DYNC2H1: variants seen among roughly 807,000 people sequenced by gnomAD.
DYNC2H1 encodes the protein dynein cytoplasmic 2 heavy chain 1.
DYNC2H1 carries 410 observed loss-of-function variants against 570.0 expected under a neutral mutation model. The observed-to-expected ratio is 0.72, with a 90% CI of 0.66 to 0.78. The LOEUF (loss-of-function observed/expected upper bound fraction) is 0.78. Ranked by LOEUF, DYNC2H1 falls within the 30% of genes least tolerant of loss-of-function variation. The pLI is 0.00. For synonymous variants in DYNC2H1, 1,688 were observed against 1,677.6 expected (o/e 1.01, Z -0.15); for missense variants, 4,865 against 5,046.4 (o/e 0.96, Z 1.09).
In DYNC2H1 at chr11:103,432,573, A is replaced by C. The variant is rs1458321476; in HGVS notation, c.12367-3370A>C. ...GATTTACGACCCATTGTGAACTCAA[A>C]TAAGAAAATCACTCGAATTTGCTTT... On this transcript the variant is annotated intron_variant, in intron 84 of 88. Transcript: ENST00000375735. Among the ~76,000 whole-genome samples the C allele has an allele frequency of 2.0e-5, 3 of 152,296 alleles. No individual in the cohort carries two copies. In the South Asian group the frequency reaches 6.2e-4, roughly 32 times the overall value.
At chr11:103,212,865 T>C (rs1392246966) in intron 54 of DYNC2H1, among the ~76,000 whole-genome samples, 5 of 152,176 alleles carry the variant, frequency 3.3e-5, no homozygotes, top group Admixed American at 3.3e-4. Flanking sequence ...ATAAATCACT[T>C]TAACTTACTG....
chr11:103,373,228 C>G (rs1392427365), intron 83 of DYNC2H1, among the ~76,000 whole-genome samples: 2 of 152,050 alleles, frequency 1.3e-5, no homozygotes, highest in Non-Finnish European at 2.9e-5. Context: ...AGTGACCATG[C>G]CTGACCCCAT....
chr11:103,427,310 G>A (rs1044718474), intron 84 of DYNC2H1, among the ~76,000 whole-genome samples: 11 of 151,916 alleles, frequency 7.2e-5, no homozygotes, highest in Admixed American at 1.3e-4. Flanking sequence ...TAAATTTCAC[G>A]GAAGTAAATA....
At chr11:103,161,204 G>T (rs1430193486) in intron 29 of DYNC2H1, among the ~76,000 whole-genome samples, 160 bp downstream of exon 29, 1 of 152,030 alleles carries the variant, frequency 6.6e-6, no homozygotes, top group African/African-American at 2.4e-5. Flanking sequence ...GTTAGTTTCG[G>T]AGTATTTTGA....
intron 11 of DYNC2H1, among the ~76,000 whole-genome samples, chr11:103,124,808 A>C (rs1338528091): frequency 1.3e-5 from 2 of 152,156 alleles, no homozygotes; most frequent in African/African-American, 4.8e-5. Flanking sequence ...GGTGGATGTG[A>C]TGTCAATTTT....
In DYNC2H1 at chr11:103,264,878, G is replaced by T. The variant is rs940089041; in HGVS notation, c.10695+4901G>T. On this transcript the variant is annotated intron_variant, in intron 70 of 88. Coordinates refer to ENST00000375735, the MANE Select transcript of DYNC2H1 (RefSeq NM_001377.3). The surrounding 1 kb of genome is among the most constrained non-coding windows in gnomAD (Gnocchi z 4.8). ...TGGAAGTTCTGGCCAGGGCAAAGTGGCAAGAGAAAGAAATAAAGGGTATTC... is the reference window on the plus strand; with the variant it reads ...TGGAAGTTCTGGCCAGGGCAAAGTGTCAAGAGAAAGAAATAAAGGGTATTC... 6.6e-6 allele frequency among the ~76,000 whole-genome samples: 1 copy of T among 152,120 alleles called. No individual in the cohort carries two copies. Among genetic ancestry groups the T allele is most frequent in the South Asian group, 2.1e-4 (1 of 4,824 alleles).
intron 82 of DYNC2H1, among the ~76,000 whole-genome samples, chr11:103,327,706 A>C (rs1938568664): frequency 6.6e-6 from 1 of 152,164 alleles, no homozygotes. Flanking sequence ...TTCATCTTAC[A>C]GGGAGGCCAA....
chr11:103,457,710 A>G (rs1944845467), intron 87 of DYNC2H1, among the ~76,000 whole-genome samples: 1 of 152,180 alleles, frequency 6.6e-6, no homozygotes, highest in South Asian at 2.1e-4. Context: ...CCTGGGTTCA[A>G]GTGATCCTTC....
In DYNC2H1 at chr11:103,113,542, G is replaced by A; in HGVS notation, c.201G>A (p.Glu67=). The A allele has an allele frequency of 1.3e-6, 2 of 1,550,152 alleles. No homozygotes were observed. Among genetic ancestry groups the A allele is most frequent in the Non-Finnish European group, 1.7e-6 (2 of 1,155,324 alleles). Residue 67 remains glutamate (E), a synonymous_variant, in exon 2 of 89, where the codon GAG becomes GAA. Transcript: ENST00000375735. ...DAGISFSNTI[E]FGDTKDKVLV... is the part of the protein sequence containing the mutation. Reference sequence around the variant, plus strand: ...AAAATCATTTATCACTTTAGATTGAGTTTGGTGACACAAAAGATAAAGTGC... The same window carrying A: ...AAAATCATTTATCACTTTAGATTGAATTTGGTGACACAAAAGATAAAGTGC...
chr11:103,390,831 C>G (rs895972318), intron 83 of DYNC2H1, among the ~76,000 whole-genome samples: 2 of 152,208 alleles, frequency 1.3e-5, no homozygotes, highest in Non-Finnish European at 1.5e-5. Flanking sequence ...GGCCCCCACT[C>G]TCTTCTGGCT....
chr11:103,427,059 A>G (rs1943699310), intron 84 of DYNC2H1, among the ~76,000 whole-genome samples: 1 of 152,198 alleles, frequency 6.6e-6, no homozygotes, highest in Admixed American at 6.6e-5. Flanking sequence ...TCAAATGTTA[A>G]CGTAAACCCA....
intron 10 of DYNC2H1, 94 bp from the exon 11 acceptor site, chr11:103,122,731 T>A: frequency 9.4e-7 from 1 of 1,061,664 alleles, no homozygotes. Flanking sequence ...GTAAAATAAT[T>A]TCTGAATCAC....
At chr11:103,198,942 T>C (rs574714528) in intron 48 of DYNC2H1, among the ~76,000 whole-genome samples, 24 of 152,300 alleles carry the variant, frequency 1.6e-4, no homozygotes, top group African/African-American at 5.1e-4. Flanking sequence ...AGTTTTATAA[T>C]TAACCTGCTA....
At chr11:103,207,811 AG>A (rs1862999480) in intron 52 of DYNC2H1, among the ~76,000 whole-genome samples, 1 of 152,174 alleles carries the variant, frequency 6.6e-6, no homozygotes, top group Non-Finnish European at 1.5e-5. Flanking sequence ...AGATTTGATC[AG>A]AATTGGGACT....
intron 20 of DYNC2H1, 87 bp downstream of exon 20, chr11:103,148,704 A>G: frequency 7.0e-7 from 1 of 1,431,550 alleles, no homozygotes; most frequent in South Asian, 1.4e-5. Flanking sequence ...ATTATTTACA[A>G]ATATATAATC....
Position 103,234,124 on chromosome 11 carries a change from T to C in DYNC2H1, c.9531T>C (p.Asn3177=). 1 of 1,580,254 alleles carries C rather than the reference T, an allele frequency of 6.3e-7. No individual in the cohort carries two copies. The highest frequency in any genetic ancestry group is 8.6e-7 in the Non-Finnish European group (1 of 1,161,748). The change falls in exon 61 of 89, where the codon AAT becomes AAC. Residue 3177 remains asparagine, a synonymous_variant. Coordinates refer to ENST00000375735, the MANE Select transcript of DYNC2H1 (RefSeq NM_001377.3). ...ETIKAAEVLI[N]QLDREHKRWN... is the part of the protein sequence containing the mutation. ...TCAAAGCTGCAGAAGTCTTAATTAATCAGCTTGACAGAGAACATAAGAGAT... is the reference window on the plus strand; with the variant it reads ...TCAAAGCTGCAGAAGTCTTAATTAACCAGCTTGACAGAGAACATAAGAGAT...
At chr11:103,195,260 T>C (rs1862473269) in intron 47 of DYNC2H1, among the ~76,000 whole-genome samples, 1 of 152,230 alleles carries the variant, frequency 6.6e-6, no homozygotes, top group African/African-American at 2.4e-5. Flanking sequence ...ATCCTGAAGA[T>C]TTTCTCCTAT....
In DYNC2H1 at chr11:103,145,999, A is replaced by G. The variant is rs780459170; in HGVS notation, c.2703-1773A>G. ...ATAACCTTTTAGGTTTACCAAAATC[A>G]CATATCTTCATGTATCAAGTATCAT... On this transcript the variant is annotated intron_variant, in intron 18 of 88. Transcript: ENST00000375735. The surrounding 1 kb of genome is among the most constrained non-coding windows in gnomAD (Gnocchi z 4.2). 1.3e-5 allele frequency among the ~76,000 whole-genome samples: 2 copies of G among 152,172 alleles called. No homozygotes were observed. The highest frequency in any genetic ancestry group is 2.4e-5 in the African/African-American group (1 of 41,442).
intron 11 of DYNC2H1, among the ~76,000 whole-genome samples, chr11:103,123,426 G>C (rs553410224): frequency 6.6e-6 from 1 of 151,964 alleles, no homozygotes; most frequent in East Asian, 1.9e-4. Context: ...ATATGGCTTT[G>C]GTAAATATTT....
Sources: allele counts gnomAD v4.1 joint callset (sites outside exome capture counted in the v4.1 genomes callset), GRCh38; gene constraint gnomAD v4.1.1; non-coding constraint Gnocchi (gnomAD v3.1); transcripts MANE v1.5; gene names NCBI Gene and HGNC (gene_info 2026-07-23, HGNC 2026-07-21).